The following FAR2 variants were observed in gnomAD, a reference collection of about 807,000 sequenced individuals.
FAR2 encodes fatty acyl-CoA reductase 2, also known as epididymis secretory protein Li 81.
FAR2 carries 19 observed loss-of-function variants against 56.0 expected under a neutral mutation model. The ratio of observed to expected loss-of-function variants is 0.34; its 90% confidence interval spans 0.24 to 0.50. The LOEUF is 0.50. Among genes scored for constraint, FAR2 ranks in the 20% least tolerant of loss-of-function variants. The pLI is 0.98. For missense variants in FAR2, 508 were observed against 642.2 expected, an observed-to-expected ratio of 0.79 and a Z score of 2.26; for synonymous variants, 219 against 218.8, an observed-to-expected ratio of 1.00 and a Z score of -0.01.
At chr12:29,152,115 G>T (rs1949686013) in intron 1 of FAR2, among the ~76,000 whole-genome samples, 1 of 152,138 alleles carries the variant, frequency 6.6e-6, no homozygotes, top group African/African-American at 2.4e-5. Flanking sequence ...TCAACTAAAG[G>T]TGCAGAATAA....
intron 1 of FAR2, chr12:29,156,604 A>C (rs997789453): frequency 6.6e-6 from 1 of 152,200 alleles, no homozygotes; most frequent in Non-Finnish European, 1.5e-5. Context: ...ATTTCCTATG[A>C]GTAGTCGCCT....
chr12:29,290,106 A>G (rs1948941936), intron 2 of FAR2, among the ~76,000 whole-genome samples: 1 of 152,220 alleles, frequency 6.6e-6, no homozygotes, highest in African/African-American at 2.4e-5. Flanking sequence ...GTAAATTAGT[A>G]CAACCACTAC....
intron 1 of FAR2, among the ~76,000 whole-genome samples, chr12:29,159,583 T>C (rs1041836015): frequency 6.6e-6 from 1 of 151,178 alleles, no homozygotes; most frequent in Non-Finnish European, 1.5e-5. Context: ...AAAAATTCCA[T>C]AGGGAAGATC....
At chr12:29,264,492 A>G (rs1948477376) in intron 1 of FAR2, among the ~76,000 whole-genome samples, 1 of 152,052 alleles carries the variant, frequency 6.6e-6, no homozygotes, top group South Asian at 2.1e-4. Context: ...CAAGAGAAAT[A>G]GGCCAGGTGC....
chr12:29,232,027 A>C (rs907326956), intron 1 of FAR2, among the ~76,000 whole-genome samples: 1 of 152,204 alleles, frequency 6.6e-6, no homozygotes, highest in African/African-American at 2.4e-5. Context: ...GAAAAAGAAC[A>C]TATCTCAAAG....
intron 1 of FAR2, among the ~76,000 whole-genome samples, chr12:29,244,815 C>G (rs534781895): frequency 1.1e-4 from 17 of 152,160 alleles, no homozygotes; most frequent in Non-Finnish European, 2.4e-4. Flanking sequence ...ACTAAAGTCT[C>G]TACCCTTAAA....
chr12:29,205,942 C>A (rs1230689793), intron 1 of FAR2, among the ~76,000 whole-genome samples: 1 of 151,946 alleles, frequency 6.6e-6, no homozygotes, highest in Admixed American at 6.6e-5. Context: ...TCTACTTTGA[C>A]TAGAGGCTAG....
chr12:29,316,679 TTGCCCAGC>T, intron 8 of FAR2, among the ~76,000 whole-genome samples, 154 bp from the exon 9 acceptor site: 1 of 152,312 alleles, frequency 6.6e-6, no homozygotes, highest in Non-Finnish European at 1.5e-5. Context: ...AGATAACCAT[TTGCCCAGC>T]ACAAAAATCT....
intron 10 of FAR2, among the ~76,000 whole-genome samples, chr12:29,329,153 T>A (rs1174525093): frequency 6.6e-6 from 1 of 152,236 alleles, no homozygotes; most frequent in Non-Finnish European, 1.5e-5. Flanking sequence ...AATGTTTACA[T>A]ATCACATATA....
chr12:29,187,887 G>C (rs1250057761), intron 1 of FAR2, among the ~76,000 whole-genome samples: 1 of 152,052 alleles, frequency 6.6e-6, no homozygotes, highest in Non-Finnish European at 1.5e-5. Flanking sequence ...TAAACTACTG[G>C]GACTGATTGT....
intron 1 of FAR2, chr12:29,223,537 G>A (rs1565477514): frequency 6.6e-6 from 1 of 152,212 alleles, no homozygotes; most frequent in African/African-American, 2.4e-5. Flanking sequence ...TCACCATAGA[G>A]ATAACCAAAT....
chr12:29,182,088 A>C (rs10771489), intron 1 of FAR2, among the ~76,000 whole-genome samples: 26,428 of 152,176 alleles, frequency 0.17, 2,462 homozygotes, highest in South Asian at 0.28. Context: ...TAACACTACT[A>C]TTGTGTGCAG....
At chr12:29,252,013 A>C (rs1452920614) in intron 1 of FAR2, among the ~76,000 whole-genome samples, 1 of 152,152 alleles carries the variant, frequency 6.6e-6, no homozygotes, top group Non-Finnish European at 1.5e-5. Context: ...TGCTGCCACA[A>C]AGAGACCTAA....
At chr12:29,241,339 A>C (rs1440934001) in intron 1 of FAR2, among the ~76,000 whole-genome samples, 1 of 152,148 alleles carries the variant, frequency 6.6e-6, no homozygotes, top group Non-Finnish European at 1.5e-5. Context: ...TCTGATGGAA[A>C]TCTGGAAAGA....
chr12:29,237,152 G>A (rs965405489), intron 1 of FAR2, among the ~76,000 whole-genome samples: 4 of 152,104 alleles, frequency 2.6e-5, no homozygotes, highest in Non-Finnish European at 5.9e-5. Context: ...TTCCCCTTGA[G>A]TTAAGTGCAA....
intron 2 of FAR2, 114 bp from the exon 3 acceptor site, chr12:29,293,186 T>C (rs1259992521): frequency 1.2e-6 from 1 of 845,860 alleles, no homozygotes; most frequent in Non-Finnish European, 1.7e-6. Flanking sequence ...CTTTAAGTAA[T>C]GTTATTACAA....
intron 1 of FAR2, among the ~76,000 whole-genome samples, chr12:29,260,148 T>C (rs1948391615): frequency 6.6e-6 from 1 of 152,216 alleles, no homozygotes; most frequent in African/African-American, 2.4e-5. Flanking sequence ...TTGTAACATA[T>C]GAAATTGGAT....
chr12:29,207,488 C>T (rs1170666906), intron 1 of FAR2, among the ~76,000 whole-genome samples: 2 of 152,168 alleles, frequency 1.3e-5, no homozygotes, highest in Non-Finnish European at 2.9e-5. Flanking sequence ...GGGTTCTCAT[C>T]CCATTTACAA....
At chr12:29,192,614 A>C (rs1352545056) in intron 1 of FAR2, among the ~76,000 whole-genome samples, 1 of 152,186 alleles carries the variant, frequency 6.6e-6, no homozygotes, top group Non-Finnish European at 1.5e-5. Flanking sequence ...CAGTATCTGT[A>C]TATTTGCAGA....
Sources: allele counts gnomAD v4.1 joint callset (sites outside exome capture counted in the v4.1 genomes callset), GRCh38; gene constraint gnomAD v4.1.1; transcripts MANE v1.5; gene names NCBI Gene and HGNC (gene_info 2026-07-23, HGNC 2026-07-21).